FHIT: variants seen among roughly 807,000 people sequenced by gnomAD.
FHIT encodes the protein fragile histidine triad diadenosine triphosphatase, also known as bis(5'-adenosyl)-triphosphatase.
A neutral mutation model predicts 17.9 loss-of-function variants in FHIT; 19 were observed. The ratio of observed to expected loss-of-function variants is 1.06; its 90% CI spans 0.74 to 1.56. The LOEUF (loss-of-function observed/expected upper bound fraction) is 1.56. Among genes scored for constraint, FHIT ranks in the 40% most tolerant of loss-of-function variants. The pLI, the probability that FHIT is intolerant of heterozygous loss-of-function variation, is 0.00. For synonymous variants in FHIT, 81 were observed against 69.7 expected, an observed-to-expected ratio of 1.16 and a Z score of -0.81; for missense variants, 248 against 189.2, an observed-to-expected ratio of 1.31 and a Z score of -1.82.
chr3:60,524,193 C>T (rs1440773172), intron 5 of FHIT, among the ~76,000 whole-genome samples: 2 of 137,546 alleles, frequency 1.5e-5, no homozygotes, highest in African/African-American at 5.6e-5. Flanking sequence ...TCTAGTCAGC[C>T]TGAGACACAC....
intron 8 of FHIT, among the ~76,000 whole-genome samples, chr3:59,858,544 G>C (rs1702273879): frequency 6.6e-6 from 1 of 151,836 alleles, no homozygotes; most frequent in African/African-American, 2.4e-5. Flanking sequence ...TTCTTTCTTG[G>C]AGAGAAATGA....
chr3:60,709,321 GT>G (rs1398595746), intron 4 of FHIT, among the ~76,000 whole-genome samples: 1 of 152,152 alleles, frequency 6.6e-6, no homozygotes. Flanking sequence ...TCTCCTATCT[GT>G]TTCTGCATTG....
rs188772338 is a variant in FHIT at position 59,827,818 on chromosome 3, A to T, written c.349-75497T>A. On this transcript the variant is annotated intron_variant, in intron 8 of 9. Coordinates refer to ENST00000492590, the MANE Select transcript of FHIT (RefSeq NM_002012.4). Reference sequence around the variant, plus strand: ...ACAAACACAAGAAGATCTACAGATAATGTATATTTTTTAACTTCCTTTAAA... The same window carrying T: ...ACAAACACAAGAAGATCTACAGATATTGTATATTTTTTAACTTCCTTTAAA... 2.6e-5 allele frequency among the ~76,000 whole-genome samples: 4 copies of T among 152,354 alleles called. No homozygotes were observed. In the East Asian group the frequency reaches 5.8e-4, roughly 22 times the overall value.
intron 4 of FHIT, among the ~76,000 whole-genome samples, chr3:60,559,466 C>T (rs1426189723): frequency 2.6e-5 from 4 of 152,174 alleles, no homozygotes; most frequent in Admixed American, 6.5e-5. Context: ...GAGATGTCCC[C>T]TCTTGCCTTG....
intron 7 of FHIT, among the ~76,000 whole-genome samples, chr3:59,999,188 A>G (rs1699632263): frequency 6.6e-6 from 1 of 152,086 alleles, no homozygotes; most frequent in South Asian, 2.1e-4. Flanking sequence ...TGGGAGAGAG[A>G]GCCCTGCATA....
chr3:59,875,377 TTCA>T (rs1703106093), intron 8 of FHIT, among the ~76,000 whole-genome samples: 1 of 152,310 alleles, frequency 6.6e-6, no homozygotes, highest in African/African-American at 2.4e-5. Context: ...AGCTTACCTC[TTCA>T]TCATCATTTG....
intron 8 of FHIT, among the ~76,000 whole-genome samples, chr3:59,869,103 G>C (rs1357713509): frequency 6.6e-6 from 1 of 152,180 alleles, no homozygotes; most frequent in African/African-American, 2.4e-5. Flanking sequence ...ATCAGAAAGA[G>C]TTGGAAGTTA....
At chr3:60,534,524 C>G (rs17063482) in intron 5 of FHIT, among the ~76,000 whole-genome samples, 9,719 of 142,754 alleles carry the variant, frequency 0.068, 398 homozygotes, top group Middle Eastern at 0.12. Context: ...TAAAAAGTTA[C>G]AAAATCATCA....
At chr3:60,166,443 A>G (rs746610868) in intron 5 of FHIT, among the ~76,000 whole-genome samples, 12 of 152,202 alleles carry the variant, frequency 7.9e-5, no homozygotes, top group Non-Finnish European at 1.3e-4. Context: ...ATAAACATAC[A>G]TCCAATATGT....
intron 4 of FHIT, among the ~76,000 whole-genome samples, chr3:60,744,252 A>AAAAAAAAAAAAAAAAAAAAAAAAAAG (rs1490007543): frequency 1.5e-5 from 1 of 67,696 alleles, no homozygotes; most frequent in Non-Finnish European, 2.6e-5. Context: ...AATGTAAAAA[A>AAAAAAAAAAAAAAAAAAAAAAAAAAG]AAAAACAAAA....
intron 3 of FHIT, among the ~76,000 whole-genome samples, chr3:60,948,673 T>C (rs1190658379): frequency 2.0e-5 from 3 of 152,130 alleles, no homozygotes; most frequent in Admixed American, 1.3e-4. Context: ...AATTCCCAAC[T>C]CTATTCACAA....
intron 5 of FHIT, among the ~76,000 whole-genome samples, chr3:60,413,232 T>C (rs1363089170): frequency 1.3e-5 from 2 of 152,064 alleles, no homozygotes; most frequent in East Asian, 3.9e-4. Context: ...AGAAGGAAAA[T>C]TTATTAAATA....
intron 3 of FHIT, among the ~76,000 whole-genome samples, chr3:60,928,770 G>C (rs1419029447): frequency 6.6e-6 from 1 of 152,140 alleles, no homozygotes; most frequent in Admixed American, 6.5e-5. Flanking sequence ...ATTCACAGCC[G>C]AATTCTACCA....
At chr3:60,076,359 G>C (rs1576040915) in intron 5 of FHIT, among the ~76,000 whole-genome samples, 1 of 152,038 alleles carries the variant, frequency 6.6e-6, no homozygotes, top group Non-Finnish European at 1.5e-5. Flanking sequence ...GGATATGCCA[G>C]AAACTCAGAA....
At chr3:60,513,026 G>A (rs1331578830) in intron 5 of FHIT, among the ~76,000 whole-genome samples, 1 of 152,198 alleles carries the variant, frequency 6.6e-6, no homozygotes, top group East Asian at 1.9e-4. Flanking sequence ...CTGAACTAAT[G>A]TGAATTTTCT....
intron 7 of FHIT, among the ~76,000 whole-genome samples, chr3:59,959,895 C>T (rs76379601): frequency 0.086 from 13,140 of 151,980 alleles, 660 homozygotes; most frequent in Middle Eastern, 0.16. Context: ...AGGTGGAAGG[C>T]AGGTGAAAGA....
intron 8 of FHIT, among the ~76,000 whole-genome samples, chr3:59,873,274 G>C (rs892372039): frequency 1.3e-5 from 2 of 152,146 alleles, no homozygotes; most frequent in Non-Finnish European, 2.9e-5. Flanking sequence ...GGCACATGGT[G>C]GCTATTCAGG....
intron 2 of FHIT, among the ~76,000 whole-genome samples, chr3:61,066,077 C>T (rs965507208): frequency 6.6e-6 from 1 of 152,180 alleles, no homozygotes; most frequent in Admixed American, 6.5e-5. Context: ...TAAGGCACCA[C>T]ATGATGAGAA....
intron 1 of FHIT, among the ~76,000 whole-genome samples, chr3:61,211,750 C>A (rs1368263467): frequency 6.6e-6 from 1 of 152,184 alleles, no homozygotes; most frequent in Non-Finnish European, 1.5e-5. Context: ...AACTGGGAGG[C>A]ACCCCCAAGT....
Sources: gnomAD v4.1 joint callset for allele counts (sites outside exome capture counted in the v4.1 genomes callset) on GRCh38, gnomAD v4.1.1 for gene constraint, MANE v1.5 for transcripts, NCBI Gene and HGNC (gene_info 2026-07-23, HGNC 2026-07-21) for gene names.